The following MAP1LC3A variants were observed in gnomAD, a reference collection of about 807,000 sequenced individuals.
MAP1LC3A encodes microtubule-associated protein 1 light chain 3 alpha.
A neutral mutation model predicts 15.2 loss-of-function variants in MAP1LC3A; 10 were observed. The observed-to-expected ratio is 0.66, with a 90% confidence interval of 0.41 to 1.12. The LOEUF is 1.12. Ranked by LOEUF, MAP1LC3A falls within the 50% of genes most tolerant of loss-of-function variation. The pLI is 0.00. For synonymous variants in MAP1LC3A, 63 were observed against 64.3 expected (o/e 0.98, Z 0.10); for missense variants, 138 against 167.3 (o/e 0.82, Z 0.97).
Position 34,560,018 on chromosome 20 carries a change from C to T in MAP1LC3A, c.*120C>T, listed in dbSNP as rs1160522910. 5.4e-6 allele frequency: 6 copies of T among 1,107,714 alleles called. No homozygotes were observed. The highest frequency in any genetic ancestry group is 7.6e-6 in the Non-Finnish European group (6 of 787,652). 68.6% of individuals were successfully genotyped at this position (1,107,714 alleles called of 1,614,324 possible). A position where few individuals can be genotyped will look rare whatever the true frequency, so the allele number is the denominator to read the frequency against. On this transcript the variant is annotated 3_prime_UTR_variant, in exon 4 of 4. Transcript: ENST00000360668. ...TGGTGGGCTGGGCAGGCATGTGCCC[C>T]CCTAGTCAGAGGGCACCAACCCACC...
intron 1 of MAP1LC3A, among the ~76,000 whole-genome samples, chr20:34,548,640 C>T (rs981488059): frequency 1.3e-4 from 20 of 151,392 alleles, no homozygotes; most frequent in African/African-American, 4.9e-4. Context: ...AGTGTGAGCT[C>T]GAGGCCGGAG....
At position 34,559,996 on chromosome 20, in the gene MAP1LC3A, TG is replaced by T; in HGVS notation, c.*101del. 1 of 1,350,908 alleles carries T rather than the reference TG, an allele frequency of 7.4e-7. No individual in the cohort carries two copies. The highest frequency in any genetic ancestry group is 1.0e-6 in the Non-Finnish European group (1 of 997,972). 83.7% of individuals were successfully genotyped at this position (1,350,908 alleles called of 1,614,324 possible). A position where few individuals can be genotyped will look rare whatever the true frequency, so the allele number is the denominator to read the frequency against. On this transcript the variant is annotated 3_prime_UTR_variant, in exon 4 of 4. Transcript: ENST00000360668. ...CTGAACTGAGCTGCCTCTACCGTGG[TG>T]GGCTGGGCAGGCATGTGCCCCCCTA...
chr20:34,557,639 T>A (rs1297645979), upstream of MAP1LC3A, among the ~76,000 whole-genome samples: 4 of 152,200 alleles, frequency 2.6e-5, no homozygotes, highest in Non-Finnish European at 5.9e-5. Context: ...TAAAAATTAT[T>A]TCGGCGGCCA....
chr20:34,558,731 C>T lies in MAP1LC3A; in HGVS notation c.-138C>T, dbSNP rs1244396819. The T allele has an allele frequency of 1.8e-5, 23 of 1,307,256 alleles. 1 individual carries two copies. The highest frequency in any genetic ancestry group is 5.8e-4 in the Middle Eastern group (2 of 3,436). The allele number at this position is 1,307,256 out of a possible 1,614,324, so 81.0% of individuals were successfully genotyped here. ...CCTGACGTCACCGGGCGAGTTACCT[C>T]CCGCAGCCGCAGCCGCCGTGCTCAG... On this transcript the variant is annotated 5_prime_UTR_variant, in exon 1 of 4. Transcript: ENST00000360668. This position sits in a 1 kb window ranked among gnomAD's most constrained non-coding sequence, Gnocchi z 4.3.
intron 2 of MAP1LC3A, among the ~76,000 whole-genome samples, chr20:34,552,120 C>T (rs984765576): frequency 6.6e-6 from 1 of 152,194 alleles, no homozygotes; most frequent in African/African-American, 2.4e-5. Flanking sequence ...GCCTCAGCCT[C>T]CCCAGTGGCT....
rs754942302 is a variant in MAP1LC3A, at chr20:34,558,865, C to A, written c.-4C>A. ...CGGCCTGCGCGCCCAGCCGGGCCCG[C>A]GCGATGCCCTCAGACCGGCCTTTCA... On this transcript the variant is annotated 5_prime_UTR_variant, in exon 1 of 4. Transcript: ENST00000360668. This position sits in a 1 kb window ranked among gnomAD's most constrained non-coding sequence, Gnocchi z 4.3. 1.4e-6 allele frequency: 2 copies of A among 1,439,112 alleles called. No individual in the cohort carries two copies. Among genetic ancestry groups the A allele is most frequent in the South Asian group, 2.7e-5 (2 of 72,792 alleles). The allele number at this position is 1,439,112 out of a possible 1,614,324, so 89.1% of individuals were successfully genotyped here.
intron 2 of MAP1LC3A, among the ~76,000 whole-genome samples, chr20:34,553,148 C>G (rs1036097704): frequency 1.3e-5 from 2 of 151,952 alleles, no homozygotes; most frequent in Admixed American, 1.3e-4. Context: ...AATATTGTGC[C>G]GTTGCACTCC....
chr20:34,551,104 TAGCC>T (rs1313689256), intron 2 of MAP1LC3A, among the ~76,000 whole-genome samples: 1 of 151,498 alleles, frequency 6.6e-6, no homozygotes, highest in African/African-American at 2.4e-5. Context: ...AAAAAAAAAT[TAGCC>T]AGGCCTGGTG....
chr20:34,557,722 C>G (rs1220930384), upstream of MAP1LC3A, among the ~76,000 whole-genome samples: 1 of 152,092 alleles, frequency 6.6e-6, no homozygotes, highest in Non-Finnish European at 1.5e-5. Context: ...GTCAGGAGAT[C>G]GAGACCATCC....
intron 3 of MAP1LC3A, 68 bp downstream of exon 3, chr20:34,559,521 G>T (rs796626385): frequency 2.1e-6 from 3 of 1,443,696 alleles, no homozygotes; most frequent in African/African-American, 2.8e-5. Context: ...GCCGAGAAGG[G>T]GTGGGAGTGG....
At position 34,559,787 on chromosome 20, in the gene MAP1LC3A, G is replaced by A. The variant is rs749562866; in HGVS notation, c.255G>A (p.Gln85=). ...AGGCCTTCTTCCTGCTGGTGAACCA[G>A]CACAGCATGGTGAGTGTGTCCACGC... ...PTQAFFLLVN[Q]HSMVSVSTPI... Residue 85 remains glutamine, a synonymous_variant, in exon 4 of 4, where the codon CAG becomes CAA. Coordinates refer to ENST00000360668, the MANE Select transcript of MAP1LC3A (RefSeq NM_032514.4). 1.9e-6 allele frequency: 3 copies of A among 1,613,008 alleles called. No homozygotes were observed. The highest frequency in any genetic ancestry group is 2.5e-6 in the Non-Finnish European group (3 of 1,179,634).
rs566386813 is a variant in MAP1LC3A, at chr20:34,560,076, G to GTGTT, written c.*179_*182dup. ...CCCCTGGGTGGATCCTGGGCCGGTC[G>GTGTT]TGTTAGGGTTGTCCCTCTGGGTGCT... On this transcript the variant is annotated 3_prime_UTR_variant, in exon 4 of 4. Coordinates refer to ENST00000360668, the MANE Select transcript of MAP1LC3A (RefSeq NM_032514.4). 4 of 523,696 alleles carry GTGTT rather than the reference G, an allele frequency of 7.6e-6. No homozygotes were observed. Among genetic ancestry groups the GTGTT allele is most frequent in the South Asian group, 2.2e-5 (1 of 45,894 alleles). The allele number at this position is 523,696 out of a possible 1,614,324, so 32.4% of individuals were successfully genotyped here.
chr20:34,557,133 T>C (rs1275397017), upstream of MAP1LC3A, among the ~76,000 whole-genome samples: 6 of 152,248 alleles, frequency 3.9e-5, no homozygotes, highest in Non-Finnish European at 1.5e-5. Context: ...AATTTCCTCT[T>C]GTAAATAGCA....
At position 34,560,075 on chromosome 20, in the gene MAP1LC3A, C is replaced by G; in HGVS notation, c.*177C>G. The G allele has an allele frequency of 6.2e-5, 23 of 372,762 alleles. No individual in the cohort carries two copies. Among genetic ancestry groups the G allele is most frequent in the East Asian group, 1.6e-4 (2 of 12,160 alleles). The allele number at this position is 372,762 out of a possible 1,614,324, so 23.1% of individuals were successfully genotyped here. On this transcript the variant is annotated 3_prime_UTR_variant, in exon 4 of 4. Coordinates refer to ENST00000360668, the MANE Select transcript of MAP1LC3A (RefSeq NM_032514.4). ...GCCCCTGGGTGGATCCTGGGCCGGT[C>G]GTGTTAGGGTTGTCCCTCTGGGTGC...
chr20:34,558,353 G>A, upstream of MAP1LC3A: 1 of 987,016 alleles, frequency 1.0e-6, no homozygotes, highest in South Asian at 4.7e-5. This position sits in a 1 kb window ranked among gnomAD's most constrained non-coding sequence, Gnocchi z 4.3. Flanking sequence ...CCGTGAAGGC[G>A]CCGGGCCTTT....
At chr20:34,559,537 G>A in intron 3 of MAP1LC3A, 84 bp downstream of exon 3, 1 of 1,360,104 alleles carries the variant, frequency 7.4e-7, no homozygotes, top group Non-Finnish European at 1.0e-6. Context: ...AGTGGGGTCA[G>A]GGGTGATGGG....
intron 1 of MAP1LC3A, among the ~76,000 whole-genome samples, chr20:34,547,127 G>C (rs1042578806): frequency 6.6e-6 from 1 of 152,288 alleles, no homozygotes; most frequent in South Asian, 2.1e-4. Flanking sequence ...AAGGTGCCTC[G>C]CAGGAGAGGA....
upstream of MAP1LC3A, among the ~76,000 whole-genome samples, chr20:34,557,330 G>A (rs551877168): frequency 6.6e-6 from 1 of 152,040 alleles, no homozygotes; most frequent in African/African-American, 2.4e-5. Context: ...TCTCTGCATT[G>A]GCAGTTATAG....
At chr20:34,559,535 C>A in intron 3 of MAP1LC3A, 82 bp downstream of exon 3, 1 of 1,372,276 alleles carries the variant, frequency 7.3e-7, no homozygotes, top group South Asian at 1.2e-5. Context: ...GGAGTGGGGT[C>A]AGGGGTGATG....
Sources: gnomAD v4.1 joint callset for allele counts (sites outside exome capture counted in the v4.1 genomes callset) on GRCh38, gnomAD v4.1.1 for gene constraint, Gnocchi (gnomAD v3.1) non-coding constraint, MANE v1.5 for transcripts, NCBI Gene and HGNC (gene_info 2026-07-23, HGNC 2026-07-21) for gene names.